Variants in NCALD observed in about 807,000 individuals in gnomAD.
NCALD encodes the protein neurocalcin delta.
Under a neutral mutation model 18.6 loss-of-function variants are expected in NCALD, and 10 were observed. That is an observed-to-expected ratio of 0.54 (90% CI 0.33 to 0.91). NCALD has a LOEUF of 0.91. Ranked by LOEUF, NCALD falls within the 40% of genes least tolerant of loss-of-function variation. The pLI is 0.03. For synonymous variants in NCALD, 88 were observed against 87.4 expected (o/e 1.01, Z -0.04); for missense variants, 184 against 247.6 (o/e 0.74, Z 1.72).
At position 101,688,802 on chromosome 8, in the gene NCALD, A is replaced by T. The variant is rs185427893; in HGVS notation, c.*507T>A. The T allele has an allele frequency of 1.1e-3, 670 of 618,570 alleles. 1 individual carries two copies. The highest frequency in any genetic ancestry group is 1.7e-3 in the Non-Finnish European group (568 of 333,938). 38.3% of individuals were successfully genotyped at this position (618,570 alleles called of 1,614,324 possible). A position where few individuals can be genotyped will look rare whatever the true frequency, so the allele number is the denominator to read the frequency against. On this transcript the variant is annotated 3_prime_UTR_variant, in exon 4 of 4. Transcript: ENST00000220931. ...GAGAGGGGAGTGGGCCCCCATGGGG[A>T]AATGTCCCAGCTCGCTGGAATAGCC...
intron 2 of NCALD, among the ~76,000 whole-genome samples, chr8:101,698,381 G>A (rs1216301058): frequency 5.3e-5 from 8 of 152,114 alleles, no homozygotes; most frequent in Admixed American, 5.2e-4. Flanking sequence ...AAGATTCAAT[G>A]TTATTCCCAT....
chr8:101,970,713 A>AAACCCCATAAACCCAC (rs2131893141), intron 2 of NCALD, among the ~76,000 whole-genome samples: 1 of 152,186 alleles, frequency 6.6e-6, no homozygotes, highest in East Asian at 1.9e-4. Flanking sequence ...TAAACCCACT[A>AAACCCCATAAACCCAC]AGTTGCATCA....
Position 101,957,925 on chromosome 8 carries a change from A to G in NCALD, c.-156-42067T>C, listed in dbSNP as rs181353198. ...AGGTCCCTTACTTGGAAACTAGTAA[A>G]TTCCTACCACCACCATAAAAAGATG... is the stretch of plus-strand genomic sequence containing the variant. On this transcript the variant is annotated intron_variant, in intron 2 of 6. Coordinates refer to the NCALD transcript ENST00000311028. Among the ~76,000 whole-genome samples, 352 of 152,264 alleles carry G rather than the reference A, an allele frequency of 2.3e-3. 1 individual carries two copies. Among genetic ancestry groups the G allele is most frequent in the African/African-American group, 7.8e-3 (326 of 41,546 alleles).
chr8:101,855,972 C>T (rs1440750486), intron 4 of NCALD, among the ~76,000 whole-genome samples: 9 of 152,162 alleles, frequency 5.9e-5, no homozygotes, highest in African/African-American at 2.2e-4. Flanking sequence ...AACACTCATA[C>T]ATCTTGCTGT....
chr8:101,804,365 TTA>T (rs200230044), intron 4 of NCALD, among the ~76,000 whole-genome samples: 2,078 of 128,250 alleles, frequency 0.016, 50 homozygotes, highest in African/African-American at 0.055. Flanking sequence ...ATTATATCAA[TTA>T]TATATTATAT....
chr8:101,987,073 G>A (rs1820840905), intron 2 of NCALD, among the ~76,000 whole-genome samples: 1 of 152,174 alleles, frequency 6.6e-6, no homozygotes, highest in South Asian at 2.1e-4. Flanking sequence ...ACAGTATTTA[G>A]TGCAAACCTT....
intron 2 of NCALD, chr8:101,693,263 A>C (rs918230770): frequency 7.2e-5 from 9 of 124,590 alleles, no homozygotes; most frequent in East Asian, 2.6e-4. Context: ...CAATCCTCCC[A>C]CCTCAGTCTC....
intron 1 of NCALD, among the ~76,000 whole-genome samples, chr8:102,024,766 C>T (rs1440499569): frequency 1.3e-5 from 2 of 152,262 alleles, no homozygotes; most frequent in East Asian, 1.9e-4. Flanking sequence ...TCAAGTAATT[C>T]GTTCATCTTT....
At chr8:101,891,440 G>A (rs1396383023) in intron 3 of NCALD, among the ~76,000 whole-genome samples, 1 of 152,204 alleles carries the variant, frequency 6.6e-6, no homozygotes, top group African/African-American at 2.4e-5. Flanking sequence ...ATGTATCAGT[G>A]GTGTTTGTTC....
At chr8:101,785,818 C>A (rs1812202458) in intron 1 of NCALD, 1 of 152,134 alleles carries the variant, frequency 6.6e-6, no homozygotes, top group South Asian at 2.1e-4. Context: ...GGACAAATAG[C>A]CTCTGGCCAA....
rs555172876 is a variant in NCALD at position 101,903,807 on chromosome 8, C to T, written c.-107+12002G>A. On this transcript the variant is annotated intron_variant, in intron 3 of 6. Transcript: ENST00000311028. ...CATCCTCTCCCATTTGCAGGAGAGC[C>T]TGGCTGCCTTTTGACCTCAGCTTCT... Among the ~76,000 whole-genome samples, 12 of 152,304 alleles carry T rather than the reference C, an allele frequency of 7.9e-5. No individual in the cohort carries two copies. In the South Asian group the frequency reaches 2.5e-3, roughly 32 times the overall value.
chr8:102,093,525 A>G (rs569309992), intron 1 of NCALD, among the ~76,000 whole-genome samples: 53 of 152,364 alleles, frequency 3.5e-4, no homozygotes, highest in South Asian at 2.9e-3. Context: ...AACAGAAGGT[A>G]GGTTTTGGGT....
chr8:101,731,561 T>C (rs957599653), intron 1 of NCALD, among the ~76,000 whole-genome samples: 2 of 152,150 alleles, frequency 1.3e-5, no homozygotes, highest in Non-Finnish European at 2.9e-5. Flanking sequence ...GTGACAGACA[T>C]GTGAGTTTGG....
chr8:101,957,997 C>T (rs886354277), intron 2 of NCALD, among the ~76,000 whole-genome samples: 1 of 152,106 alleles, frequency 6.6e-6, no homozygotes, highest in African/African-American at 2.4e-5. Flanking sequence ...CTCAGCATCG[C>T]CCATACTATT....
At chr8:101,862,603 A>G (rs1338311520) in intron 4 of NCALD, among the ~76,000 whole-genome samples, 1 of 152,254 alleles carries the variant, frequency 6.6e-6, no homozygotes, top group Admixed American at 6.5e-5. Context: ...AATTTTAACT[A>G]AAATTTTCAA....
chr8:102,093,966 G>A (rs1041276820), intron 1 of NCALD, among the ~76,000 whole-genome samples: 1 of 152,160 alleles, frequency 6.6e-6, no homozygotes, highest in African/African-American at 2.4e-5. Context: ...ATTCATCAGG[G>A]TTAATCAATT....
rs140560152 is a variant in NCALD, at chr8:102,113,690, A to T, written c.-210+10547T>A. Among the ~76,000 whole-genome samples the T allele has an allele frequency of 5.1e-4, 78 of 152,316 alleles. 1 individual carries two copies. The highest frequency in any genetic ancestry group is 1.8e-3 in the African/African-American group (75 of 41,574). On this transcript the variant is annotated intron_variant, in intron 1 of 6. Transcript: ENST00000311028. The stretch of plus-strand genomic sequence containing the variant: ...TGCTGTTTTGCTGTAATTACTGGAA[A>T]GTCCTCCCCTTTCACTCTCAAAAAT...
chr8:101,930,135 T>C (rs989726494), intron 2 of NCALD, among the ~76,000 whole-genome samples: 1 of 151,928 alleles, frequency 6.6e-6, no homozygotes, highest in Non-Finnish European at 1.5e-5. Flanking sequence ...AATGAGAAAA[T>C]TACAAAAATT....
At chr8:101,769,873 T>A (rs1586455742) in intron 1 of NCALD, among the ~76,000 whole-genome samples, 1 of 152,188 alleles carries the variant, frequency 6.6e-6, no homozygotes, top group African/African-American at 2.4e-5. Context: ...CTGAGCCACT[T>A]ACATTCTCAG....
Sources: allele counts gnomAD v4.1 joint callset (sites outside exome capture counted in the v4.1 genomes callset), GRCh38; gene constraint gnomAD v4.1.1; transcripts MANE v1.5; gene names NCBI Gene and HGNC (gene_info 2026-07-23, HGNC 2026-07-21).